The following RTEL1 variants were observed in gnomAD, a reference collection of about 807,000 sequenced individuals.
RTEL1 encodes regulator of telomere length.
Under a neutral mutation model 162.2 loss-of-function variants are expected in RTEL1, and 86 were observed. The ratio of observed to expected loss-of-function variants is 0.53; its 90% CI spans 0.45 to 0.63. The LOEUF (loss-of-function observed/expected upper bound fraction) is 0.63. RTEL1 is among the 30% of genes least tolerant of loss of function. The probability of loss-of-function intolerance (pLI) is 0.00; values close to 1 mark genes in which losing one functional copy is unlikely to be tolerated. For synonymous variants in RTEL1, 958 were observed against 717.9 expected (o/e 1.33, Z -5.35); for missense variants, 1,941 against 1,750.2 (o/e 1.11, Z -1.95).
At chr20:63,690,036 A>C in intron 24 of RTEL1, 51 bp from the exon 25 acceptor site, 1 of 1,591,788 alleles carries the variant, frequency 6.3e-7, no homozygotes, top group Non-Finnish European at 8.5e-7. Flanking sequence ...CGGTGAACTG[A>C]ACCCTTGAAG....
chr20:63,665,868 G>GT, intron 6 of RTEL1, 136 bp from the exon 7 acceptor site: 1 of 693,254 alleles, frequency 1.4e-6, no homozygotes, highest in Non-Finnish European at 2.4e-6. Flanking sequence ...TGGGTGCTTT[G>GT]TGGCGCGTTC....
chr20:63,685,487 G>A lies in RTEL1; in HGVS notation c.1192-36G>A, dbSNP rs760022198. On this transcript the variant is annotated intron_variant, in intron 14 of 34. Transcript: ENST00000360203. ...TGCTGCAGAAAGTCGGGTGGCCTCA[G>A]GCTCCTGACGGGGCTGCACTTCCTC... is the stretch of plus-strand genomic sequence containing the variant. 5.7e-5 allele frequency: 91 copies of A among 1,605,060 alleles called. 1 individual carries two copies. In the South Asian group the frequency reaches 1.0e-3, roughly 18 times the overall value.
rs773272719 is a variant in RTEL1, at chr20:63,680,707, G to A, written c.1179G>A (p.Ala393=). The A allele has an allele frequency of 2.7e-5, 43 of 1,613,286 alleles. No individual in the cohort carries two copies. The highest frequency in any genetic ancestry group is 8.9e-5 in the East Asian group (4 of 44,894). The change falls in exon 14 of 35, where the codon GCG becomes GCA. Residue 393 remains alanine (A), a synonymous_variant. Coordinates refer to ENST00000360203, the MANE Select transcript of RTEL1 (RefSeq NM_001283009.2). The part of the protein sequence containing the change: ...FTNTAGLQKL[A]DIIQIVFSVD... The stretch of plus-strand genomic sequence containing the variant: ...ACACGGCCGGACTGCAGAAGCTGGC[G>A]GACATTATCCAGGTGGGGCCTGCTC...
At chr20:63,678,009 C>T (rs2090390352) in intron 10 of RTEL1, 136 bp from the exon 11 acceptor site, 9 of 962,478 alleles carry the variant, frequency 9.4e-6, no homozygotes, top group South Asian at 1.4e-5. Context: ...GTGGATTTGG[C>T]CTGCATGGAT....
Position 63,662,528 on chromosome 20 carries a change from G to A in RTEL1, c.396-18G>A, listed in dbSNP as rs200598131. On this transcript the variant is annotated intron_variant, in intron 4 of 34. Coordinates refer to ENST00000360203, the MANE Select transcript of RTEL1 (RefSeq NM_001283009.2). ...TGGAGACAGCTCCTCCTCGACCCAC[G>A]GTGCTCTCTCCCACCAGGCCTAAGG... is the stretch of plus-strand genomic sequence containing the variant. 96 of 1,613,652 alleles carry A rather than the reference G, an allele frequency of 5.9e-5. No individual in the cohort carries two copies. The highest frequency in any genetic ancestry group is 4.9e-4 in the African/African-American group (37 of 74,920).
Position 63,662,554 on chromosome 20 carries a change from T to G in RTEL1, c.404T>G (p.Val135Gly), listed in dbSNP as rs201006226. ...ELRNTSYRPK[V>G]CVLGSREQLC... is the part of the protein sequence containing the mutation. Reference sequence around the variant, plus strand: ...GTGCTCTCTCCCACCAGGCCTAAGGTGTGTGTGCTGGGCTCCCGGGAGCAG... The same window carrying G: ...GTGCTCTCTCCCACCAGGCCTAAGGGGTGTGTGCTGGGCTCCCGGGAGCAG... Residue 135 changes from valine to glycine, a missense_variant, in exon 5 of 35, where the codon GTG becomes GGG. Coordinates refer to ENST00000360203, the MANE Select transcript of RTEL1 (RefSeq NM_001283009.2). 1.2e-6 allele frequency: 2 copies of G among 1,613,602 alleles called. No individual in the cohort carries two copies. Among genetic ancestry groups the G allele is most frequent in the Admixed American group, 3.3e-5 (2 of 59,990 alleles).
intron 10 of RTEL1, among the ~76,000 whole-genome samples, chr20:63,674,606 T>C (rs2090311926): frequency 6.6e-6 from 1 of 151,156 alleles, no homozygotes; most frequent in African/African-American, 2.4e-5. Context: ...GAGGCCGAAG[T>C]GGGAGGCGTG....
rs764893039 is a variant in RTEL1, at chr20:63,694,709, C to T, written c.3110-32C>T. ...TGGGACTCTCAGTCCTCCACCCCAG[C>T]GCCACTCTGAGCCATGCTACTCCCA... is the stretch of plus-strand genomic sequence containing the variant. On this transcript the variant is annotated intron_variant, in intron 31 of 34. Coordinates refer to ENST00000360203, the MANE Select transcript of RTEL1 (RefSeq NM_001283009.2). 32 of 1,539,144 alleles carry T rather than the reference C, an allele frequency of 2.1e-5. No individual in the cohort carries two copies. In the East Asian group the frequency reaches 3.6e-4, roughly 18 times the overall value.
chr20:63,696,066 G>C lies in RTEL1; in HGVS notation c.*208G>C, dbSNP rs958568874. On this transcript the variant is annotated 3_prime_UTR_variant, in exon 35 of 35. Coordinates refer to ENST00000360203, the MANE Select transcript of RTEL1 (RefSeq NM_001283009.2). Reference sequence around the variant, plus strand: ...TCTGAGAAGCCCTGAGCTACCTTGGGGTCTGGGGTGGGTTTCTGGGAAAGT... The same window carrying C: ...TCTGAGAAGCCCTGAGCTACCTTGGCGTCTGGGGTGGGTTTCTGGGAAAGT... 3.5e-6 allele frequency: 2 copies of C among 573,236 alleles called. No homozygotes were observed. The highest frequency in any genetic ancestry group is 2.2e-5 in the South Asian group (1 of 44,722). The allele number at this position is 573,236 out of a possible 1,614,324, so 35.5% of individuals were successfully genotyped here.
At position 63,692,802 on chromosome 20, in the gene RTEL1, C is replaced by A; in HGVS notation, c.2653-3C>A. ...GATGGAGCCTCGGGCCTGTGTCCTG[C>A]AGGAGGAGCCCGTGGCTGGTGCACA... On this transcript the variant is annotated splice_polypyrimidine_tract_variant and splice_region_variant and intron_variant, in intron 28 of 34. Transcript: ENST00000360203. The A allele has an allele frequency of 6.2e-7, 1 of 1,609,288 alleles. No individual in the cohort carries two copies. The highest frequency in any genetic ancestry group is 8.5e-7 in the Non-Finnish European group (1 of 1,177,478).
intron 2 of RTEL1, among the ~76,000 whole-genome samples, chr20:63,659,873 C>T (rs995851339): frequency 6.6e-6 from 1 of 152,212 alleles, no homozygotes; most frequent in Non-Finnish European, 1.5e-5. Context: ...TCATTAATTA[C>T]TATTTTCACT....
chr20:63,667,361 G>A, intron 7 of RTEL1, 108 bp from the exon 8 acceptor site: 1 of 859,378 alleles, frequency 1.2e-6, no homozygotes, highest in Non-Finnish European at 2.0e-6. Flanking sequence ...TCCCACCTGG[G>A]CCCTACGTGC....
At position 63,680,581 on chromosome 20, in the gene RTEL1, C is replaced by A. The variant is rs6089958; in HGVS notation, c.1136-83C>A. On this transcript the variant is annotated intron_variant, in intron 13 of 34. Transcript: ENST00000360203. The stretch of plus-strand genomic sequence containing the variant: ...GATGGAGCTTGGCAGTCGGGCTGAG[C>A]GGGCTCATGCTGGAAGGGCCGGGGC... 42 of 1,452,044 alleles carry A rather than the reference C, an allele frequency of 2.9e-5. No homozygotes were observed. The Admixed American group carries it at 7.0e-4, about 24-fold the overall frequency. 89.9% of individuals were successfully genotyped at this position (1,452,044 alleles called of 1,614,324 possible).
In RTEL1 at chr20:63,694,527, T is replaced by C. The variant is rs781026919; in HGVS notation, c.3109+39T>C. ...GAACCGTGTGCAGCCTACGACTTGG[T>C]GGGTCCCTCAGTGGCTTCACGAGGC... On this transcript the variant is annotated intron_variant, in intron 31 of 34. Transcript: ENST00000360203. 3 of 1,505,244 alleles carry C rather than the reference T, an allele frequency of 2.0e-6. No individual in the cohort carries two copies. In the South Asian group the frequency reaches 3.5e-5, roughly 17 times the overall value. The allele number at this position is 1,505,244 out of a possible 1,614,324, so 93.2% of individuals were successfully genotyped here.
In RTEL1 at chr20:63,678,352, A is replaced by G. The variant is rs746457458; in HGVS notation, c.1037+6A>G. 5 of 1,606,808 alleles carry G rather than the reference A, an allele frequency of 3.1e-6. No homozygotes were observed. The highest frequency in any genetic ancestry group is 3.4e-6 in the Non-Finnish European group (4 of 1,178,192). On this transcript the variant is annotated splice_donor_region_variant and intron_variant, in intron 12 of 34. Transcript: ENST00000360203. The stretch of plus-strand genomic sequence containing the variant: ...GGTGTCACCAAGCCAGGGAGGTGAG[A>G]GGCGGGGAGCCAGCCCCTTCACTGC...
At chr20:63,667,049 C>A (rs974578810) in intron 7 of RTEL1, among the ~76,000 whole-genome samples, 1 of 149,886 alleles carries the variant, frequency 6.7e-6, no homozygotes, top group Non-Finnish European at 1.5e-5. Context: ...CCGTGTTAGC[C>A]AGGATGGTCT....
chr20:63,693,591 TCCACCTCCACCA>T (rs1568721094), intron 30 of RTEL1, among the ~76,000 whole-genome samples: 12 of 3,548 alleles, frequency 3.4e-3, no homozygotes, highest in South Asian at 0.029. Flanking sequence ...CACCACCACC[TCCACCTCCACCA>T]CCACCACCTC....
rs1555901763 is a variant in RTEL1, at chr20:63,673,947, T to C, written c.773T>C (p.Met258Thr). The change falls in exon 10 of 35, where the codon ATG (methionine) becomes ACG (threonine). Residue 258 changes from methionine to threonine, a missense_variant. Coordinates refer to ENST00000360203, the MANE Select transcript of RTEL1 (RefSeq NM_001283009.2). ...GGTGTGCTTGGGCTCTAGGAGAAGA[T>C]GTGTGAAGAATCGGCATCCTTTGAC... ...IFDEAHNVEK[M>T]CEESASFDLT... 5.6e-6 allele frequency: 9 copies of C among 1,611,658 alleles called. No homozygotes were observed. The highest frequency in any genetic ancestry group is 1.1e-5 in the South Asian group (1 of 90,846).
intron 16 of RTEL1, 160 bp from the exon 17 acceptor site, chr20:63,687,478 C>A: frequency 7.3e-6 from 6 of 825,740 alleles, no homozygotes; most frequent in Non-Finnish European, 1.1e-5. Context: ...CTCAGGGCAG[C>A]CTCCTTTGTT....
Sources: gnomAD v4.1 joint callset for allele counts (sites outside exome capture counted in the v4.1 genomes callset) on GRCh38, gnomAD v4.1.1 for gene constraint, MANE v1.5 for transcripts, NCBI Gene and HGNC (gene_info 2026-07-23, HGNC 2026-07-21) for gene names.